The following SEMA3E variants were observed in gnomAD, a reference collection of about 807,000 sequenced individuals.
The protein encoded by SEMA3E is semaphorin-3E.
SEMA3E carries 49 observed loss-of-function variants against 93.6 expected under a neutral mutation model. The observed-to-expected ratio is 0.52, with a 90% CI of 0.42 to 0.66. SEMA3E has a LOEUF of 0.66. Ranked by LOEUF, SEMA3E falls within the 30% of genes least tolerant of loss-of-function variation. The pLI is 0.00. For synonymous variants in SEMA3E, 363 were observed against 330.7 expected (o/e 1.10, Z -1.06); for missense variants, 906 against 964.8 (o/e 0.94, Z 0.81).
At chr7:83,453,803 C>G (rs1359532395) in intron 4 of SEMA3E, among the ~76,000 whole-genome samples, 8 of 151,842 alleles carry the variant, frequency 5.3e-5, no homozygotes, top group African/African-American at 1.9e-4. Flanking sequence ...TTTTTGTTAA[C>G]TAAAGTCTAG....
At chr7:83,446,560 AAGAT>A (rs749869066) in intron 4 of SEMA3E, among the ~76,000 whole-genome samples, 9 of 152,312 alleles carry the variant, frequency 5.9e-5, no homozygotes, top group African/African-American at 7.2e-5. Context: ...GCTGAGGATG[AAGAT>A]CAAATTGAAA....
intron 1 of SEMA3E, among the ~76,000 whole-genome samples, chr7:83,514,725 GA>G (rs1790892677): frequency 6.6e-6 from 1 of 151,758 alleles, no homozygotes; most frequent in African/African-American, 2.4e-5. Context: ...TTCTAAAGGG[GA>G]AAAAAAGCAA....
intron 1 of SEMA3E, among the ~76,000 whole-genome samples, chr7:83,509,873 T>C (rs1028162726): frequency 6.6e-6 from 1 of 152,212 alleles, no homozygotes; most frequent in Non-Finnish European, 1.5e-5. Context: ...ATTTACTTAG[T>C]CCCTGGGTTC....
intron 1 of SEMA3E, among the ~76,000 whole-genome samples, chr7:83,569,497 A>T (rs952094906): frequency 2.0e-5 from 3 of 152,182 alleles, no homozygotes; most frequent in African/African-American, 7.2e-5. Flanking sequence ...GACCCATCTC[A>T]CATGTAACAA....
chr7:83,596,700 T>C (rs1792880948), intron 1 of SEMA3E, among the ~76,000 whole-genome samples: 1 of 152,052 alleles, frequency 6.6e-6, no homozygotes, highest in African/African-American at 2.4e-5. Context: ...TATTCATCAT[T>C]CTACTAGACA....
At position 83,575,625 on chromosome 7, in the gene SEMA3E, G is replaced by C. The variant is rs569573418; in HGVS notation, c.115+72803C>G. ...TCAGCCCCGGGCCTCATAATTATCTGGAACAGCTGTAACAGATCTGCTTTC... is the reference window on the plus strand; with the variant it reads ...TCAGCCCCGGGCCTCATAATTATCTCGAACAGCTGTAACAGATCTGCTTTC... On this transcript the variant is annotated intron_variant, in intron 1 of 16. Coordinates refer to ENST00000643230, the MANE Select transcript of SEMA3E (RefSeq NM_012431.3). Among the ~76,000 whole-genome samples, 126 of 152,082 alleles carry C rather than the reference G, an allele frequency of 8.3e-4. 1 individual carries two copies. Among genetic ancestry groups the C allele is most frequent in the Middle Eastern group, 3.4e-3 (1 of 294 alleles).
At chr7:83,554,286 T>C (rs942737653) in intron 1 of SEMA3E, among the ~76,000 whole-genome samples, 1 of 152,192 alleles carries the variant, frequency 6.6e-6, no homozygotes, top group African/African-American at 2.4e-5. Flanking sequence ...TCTTCTAAAA[T>C]TTCAACAGTA....
At chr7:83,405,660 C>T (rs987130222) in intron 8 of SEMA3E, 141 bp from the exon 9 acceptor site, 1 of 784,154 alleles carries the variant, frequency 1.3e-6, no homozygotes, top group African/African-American at 1.7e-5. Context: ...CAACCATGAC[C>T]AAGTCATAAC....
chr7:83,620,053 C>T (rs562644147), intron 1 of SEMA3E, among the ~76,000 whole-genome samples: 47 of 151,836 alleles, frequency 3.1e-4, no homozygotes, highest in Non-Finnish European at 6.3e-4. Flanking sequence ...ATGATCTATT[C>T]TTTATTTAAT....
At chr7:83,556,383 A>C (rs1251558927) in intron 1 of SEMA3E, among the ~76,000 whole-genome samples, 4 of 152,184 alleles carry the variant, frequency 2.6e-5, no homozygotes, top group Non-Finnish European at 5.9e-5. Flanking sequence ...CAATAGCTAT[A>C]TATGGAGCCC....
intron 1 of SEMA3E, among the ~76,000 whole-genome samples, chr7:83,557,954 TAAA>T (rs1418421657): frequency 6.6e-6 from 1 of 152,156 alleles, no homozygotes; most frequent in Non-Finnish European, 1.5e-5. Flanking sequence ...AGAAAGGCTG[TAAA>T]ACCCAGTACA....
intron 4 of SEMA3E, among the ~76,000 whole-genome samples, chr7:83,452,753 T>G (rs1055910948): frequency 3.3e-5 from 5 of 152,170 alleles, no homozygotes; most frequent in African/African-American, 9.7e-5. Flanking sequence ...GAAGGAACAA[T>G]CCCTCTATTC....
chr7:83,509,593 G>C (rs764403708), intron 1 of SEMA3E, among the ~76,000 whole-genome samples: 18 of 152,138 alleles, frequency 1.2e-4, no homozygotes, highest in Non-Finnish European at 2.4e-4. Flanking sequence ...GGTAAATTCA[G>C]TGTTCAGTGT....
rs563914543 is a variant in SEMA3E, at chr7:83,426,992, TTAACA to T, written c.457-8514_457-8510del. ...AGGATTAATATATTAAAGTTTCTGT[TTAACA>T]TAACATAGTGTGACATGACACTTAT... On this transcript the variant is annotated intron_variant, in intron 4 of 16. Coordinates refer to ENST00000643230, the MANE Select transcript of SEMA3E (RefSeq NM_012431.3). Among the ~76,000 whole-genome samples the T allele has an allele frequency of 1.4e-4, 22 of 152,178 alleles. 1 individual carries two copies. The South Asian group carries it at 3.7e-3, about 26-fold the overall frequency.
intron 3 of SEMA3E, among the ~76,000 whole-genome samples, chr7:83,467,057 CTTTTTTTTTTTT>C (rs59059670): frequency 1.7e-5 from 2 of 117,168 alleles, no homozygotes; most frequent in African/African-American, 6.9e-5. Context: ...AATATGCAGT[CTTTTTTTTTTTT>C]TTTTTTTTTT....
chr7:83,531,341 C>CTTTTTTTTTTTTTT (rs144165250), intron 1 of SEMA3E, among the ~76,000 whole-genome samples: 1 of 68,132 alleles, frequency 1.5e-5, no homozygotes. Context: ...TTGGAATATT[C>CTTTTTTTTTTTTTT]TTTTTTTTTT....
chr7:83,572,596 G>T (rs542026162), intron 1 of SEMA3E, among the ~76,000 whole-genome samples: 1 of 152,006 alleles, frequency 6.6e-6, no homozygotes, highest in Admixed American at 6.6e-5. Context: ...CTGAGATCAC[G>T]CCACTGCACT....
intron 1 of SEMA3E, among the ~76,000 whole-genome samples, chr7:83,619,505 A>T (rs1311463664): frequency 6.6e-6 from 1 of 151,872 alleles, no homozygotes; most frequent in Non-Finnish European, 1.5e-5. Flanking sequence ...CATTTTTGTT[A>T]TTTTAAATGG....
At chr7:83,381,821 G>A (rs756571966) in intron 16 of SEMA3E, among the ~76,000 whole-genome samples, 1 of 151,900 alleles carries the variant, frequency 6.6e-6, no homozygotes, top group Non-Finnish European at 1.5e-5. Flanking sequence ...TAGGCATATA[G>A]TAGAAGCTTG....
Sources: allele counts gnomAD v4.1 joint callset (sites outside exome capture counted in the v4.1 genomes callset), GRCh38; gene constraint gnomAD v4.1.1; transcripts MANE v1.5; gene names NCBI Gene and HGNC (gene_info 2026-07-23, HGNC 2026-07-21).